Variants in FAM184A observed in about 807,000 individuals in gnomAD.
The protein encoded by FAM184A is protein FAM184A.
Under a neutral mutation model 143.8 loss-of-function variants are expected in FAM184A, and 99 were observed. That is an observed-to-expected ratio of 0.69 (90% CI 0.58 to 0.81). The LOEUF is 0.81. Ranked by LOEUF, FAM184A falls within the 40% of genes least tolerant of loss-of-function variation. FAM184A has a pLI of 0.00. For synonymous variants in FAM184A, 427 were observed against 446.4 expected, an observed-to-expected ratio of 0.96 and a Z score of 0.55; for missense variants, 1,217 against 1,310.5, an observed-to-expected ratio of 0.93 and a Z score of 1.10.
At chr6:118,960,598 A>G (rs956490262) in intron 17 of FAM184A, among the ~76,000 whole-genome samples, 1 of 152,196 alleles carries the variant, frequency 6.6e-6, no homozygotes, top group Non-Finnish European at 1.5e-5. Context: ...ATTTTTTACT[A>G]TATGCATTTT....
intron 1 of FAM184A, among the ~76,000 whole-genome samples, chr6:119,061,914 A>C (rs1021537742): frequency 6.6e-6 from 1 of 152,178 alleles, no homozygotes; most frequent in Non-Finnish European, 1.5e-5. Context: ...ATTGAAACAA[A>C]AGAAAAAAAT....
chr6:119,081,182 T>G (rs1788051735), upstream of FAM184A, among the ~76,000 whole-genome samples: 1 of 152,084 alleles, frequency 6.6e-6, no homozygotes, highest in Admixed American at 6.6e-5. Context: ...CTACATGGTA[T>G]CAGGTGAGAA....
chr6:118,978,113 G>A (rs746754677), intron 11 of FAM184A, among the ~76,000 whole-genome samples: 7 of 152,152 alleles, frequency 4.6e-5, no homozygotes, highest in East Asian at 3.9e-4. Context: ...ACAGGCATGC[G>A]CCACCACGCC....
At chr6:119,110,154 C>G (rs539654572) in intron 1 of FAM184A, among the ~76,000 whole-genome samples, 15 of 152,178 alleles carry the variant, frequency 9.9e-5, no homozygotes, top group South Asian at 4.2e-4. Flanking sequence ...GATGGGTAGC[C>G]CAGGGATCCT....
At chr6:118,998,622 C>T (rs1331982638) in intron 9 of FAM184A, among the ~76,000 whole-genome samples, 1 of 152,122 alleles carries the variant, frequency 6.6e-6, no homozygotes, top group East Asian at 1.9e-4. Context: ...GAGTAGATAA[C>T]TGATTAAGTG....
intron 1 of FAM184A, among the ~76,000 whole-genome samples, chr6:119,129,823 T>A: frequency 6.6e-6 from 1 of 152,122 alleles, no homozygotes; most frequent in African/African-American, 2.4e-5. Flanking sequence ...GAAGGGGAGT[T>A]TAGAAATATG....
intron 1 of FAM184A, chr6:119,149,030 A>T (rs937121281): frequency 2.0e-5 from 3 of 152,212 alleles, no homozygotes; most frequent in Admixed American, 6.5e-5. Context: ...GTTGCTATGA[A>T]CACAAAAATA....
intron 1 of FAM184A, among the ~76,000 whole-genome samples, chr6:119,123,872 C>G (rs1021447478): frequency 6.6e-6 from 1 of 152,170 alleles, no homozygotes; most frequent in Non-Finnish European, 1.5e-5. Flanking sequence ...CCTCTCTACT[C>G]TATTTTAAAT....
intron 1 of FAM184A, among the ~76,000 whole-genome samples, chr6:119,101,315 G>T (rs1168494095): frequency 2.6e-5 from 4 of 151,638 alleles, no homozygotes; most frequent in Non-Finnish European, 5.9e-5. Context: ...CCGGTGATCC[G>T]CCCGCCTCGG....
chr6:119,015,927 G>C (rs1016557586), intron 5 of FAM184A, among the ~76,000 whole-genome samples: 16 of 152,016 alleles, frequency 1.1e-4, no homozygotes, highest in African/African-American at 3.9e-4. Context: ...TGGGGCCTTG[G>C]AGAACCTTTA....
chr6:119,010,525 G>A (rs949536051), intron 6 of FAM184A, among the ~76,000 whole-genome samples: 1 of 151,884 alleles, frequency 6.6e-6, no homozygotes, highest in Non-Finnish European at 1.5e-5. Context: ...GATAATCTGG[G>A]TGTCTGTATT....
chr6:118,974,900 A>G, intron 13 of FAM184A, 124 bp downstream of exon 13: 1 of 676,262 alleles, frequency 1.5e-6, no homozygotes, highest in Middle Eastern at 4.0e-4. Context: ...TAAAGTAAAA[A>G]GAGGTCTTCA....
At chr6:119,121,567 T>C (rs996964490) in intron 1 of FAM184A, among the ~76,000 whole-genome samples, 1 of 152,252 alleles carries the variant, frequency 6.6e-6, no homozygotes, top group African/African-American at 2.4e-5. Context: ...CTTAATGATG[T>C]CAGCAAATTT....
rs79597443 is a variant in FAM184A, at chr6:118,987,566, A to G, written c.2089-7216T>C. On this transcript the variant is annotated intron_variant, in intron 9 of 17. Coordinates refer to ENST00000338891, the MANE Select transcript of FAM184A (RefSeq NM_024581.6). Reference sequence around the variant, plus strand: ...AGTGATCACTTTGTCAATGCTTAGGAAAGGGATTTACTCTATTTTGCTTTT... The same window carrying G: ...AGTGATCACTTTGTCAATGCTTAGGGAAGGGATTTACTCTATTTTGCTTTT... Among the ~76,000 whole-genome samples the G allele has an allele frequency of 3.0e-3, 464 of 152,314 alleles. 2 individuals are homozygous for G. The highest frequency in any genetic ancestry group is 0.011 in the African/African-American group (444 of 41,578).
intron 14 of FAM184A, among the ~76,000 whole-genome samples, chr6:118,970,527 T>C (rs182302384): frequency 2.6e-4 from 39 of 152,300 alleles, no homozygotes; most frequent in Admixed American, 3.9e-4. Flanking sequence ...AGTTTTCCTA[T>C]TAAATATTTA....
intron 1 of FAM184A, among the ~76,000 whole-genome samples, chr6:119,142,306 C>G (rs897433424): frequency 1.3e-5 from 2 of 152,072 alleles, no homozygotes; most frequent in African/African-American, 2.4e-5. Flanking sequence ...GTGTCACTTC[C>G]CAAGATCATC....
chr6:119,061,962 C>T (rs1311811878), intron 1 of FAM184A, among the ~76,000 whole-genome samples: 1 of 152,020 alleles, frequency 6.6e-6, no homozygotes, highest in African/African-American at 2.4e-5. Context: ...GTAATCTCAA[C>T]ACTTTGGGAG....
chr6:119,045,796 T>C (rs1356211140), intron 1 of FAM184A, among the ~76,000 whole-genome samples: 1 of 151,668 alleles, frequency 6.6e-6, no homozygotes, highest in Non-Finnish European at 1.5e-5. Context: ...ATAAAGCCAA[T>C]TAAAAAAAAT....
Position 118,994,718 on chromosome 6 carries a change from TAAATAAATAAATAAATAAAA to T in FAM184A, c.2088+8161_2088+8180del, listed in dbSNP as rs1461903795. On this transcript the variant is annotated intron_variant, in intron 9 of 17. Transcript: ENST00000338891. ...ATAAATAAATAAATAAATAAATAAA[TAAATAAATAAATAAATAAAA>T]AGCCAGAGGGTTATCATCACACAAA... Among the ~76,000 whole-genome samples the T allele has an allele frequency of 2.4e-4, 35 of 148,398 alleles. 1 individual carries two copies. The highest frequency in any genetic ancestry group is 4.5e-4 in the African/African-American group (18 of 40,348).
Sources: allele counts gnomAD v4.1 joint callset (sites outside exome capture counted in the v4.1 genomes callset), GRCh38; gene constraint gnomAD v4.1.1; transcripts MANE v1.5; gene names NCBI Gene and HGNC (gene_info 2026-07-23, HGNC 2026-07-21).